Variants in CACNA1B observed in about 807,000 individuals in gnomAD.
CACNA1B encodes calcium voltage-gated channel subunit alpha1 B, also known as voltage-dependent N-type calcium channel subunit alpha-1B.
Under a neutral mutation model 247.2 loss-of-function variants are expected in CACNA1B, and 70 were observed. The observed-to-expected ratio is 0.28, with a 90% CI of 0.23 to 0.35. The LOEUF (loss-of-function observed/expected upper bound fraction) is 0.35. CACNA1B is among the 10% of genes least tolerant of loss of function. The probability of loss-of-function intolerance (pLI) is 1.00; values close to 1 mark genes in which losing one functional copy is unlikely to be tolerated. For synonymous variants in CACNA1B, 1,231 were observed against 1,294.4 expected, an observed-to-expected ratio of 0.95 and a Z score of 1.05; for missense variants, 2,367 against 3,197.4, an observed-to-expected ratio of 0.74 and a Z score of 6.26.
intron 36 of CACNA1B, among the ~76,000 whole-genome samples, chr9:138,094,190 A>G (rs1440017731): frequency 1.3e-5 from 2 of 152,200 alleles, no homozygotes; most frequent in African/African-American, 4.8e-5. Flanking sequence ...ACACTGTATG[A>G]TTCCACTTAT....
intron 10 of CACNA1B, among the ~76,000 whole-genome samples, chr9:137,964,945 C>G (rs1958057903): frequency 6.6e-6 from 1 of 152,124 alleles, no homozygotes; most frequent in East Asian, 1.9e-4. Context: ...GCCTCTCTTC[C>G]CTAGGGCTGC....
intron 36 of CACNA1B, among the ~76,000 whole-genome samples, chr9:138,090,834 C>T (rs187740637): frequency 1.3e-5 from 2 of 149,772 alleles, no homozygotes; most frequent in African/African-American, 4.9e-5. Flanking sequence ...CATCTCTAAT[C>T]ATCAGGGAAA....
At chr9:137,996,157 A>G (rs1958498062) in intron 15 of CACNA1B, among the ~76,000 whole-genome samples, 1 of 152,246 alleles carries the variant, frequency 6.6e-6, no homozygotes, top group African/African-American at 2.4e-5. Context: ...CCACTTCTAG[A>G]TATCTACTCA....
chr9:138,118,173 A>AGCAGT (rs1961939478), intron 43 of CACNA1B, 92 bp downstream of exon 43: 1 of 54,244 alleles, frequency 1.8e-5, no homozygotes. Context: ...ACGTGTGAAC[A>AGCAGT]GGGATGGGGG....
At chr9:138,048,480 T>G (rs543533273) in intron 23 of CACNA1B, among the ~76,000 whole-genome samples, 1 of 152,182 alleles carries the variant, frequency 6.6e-6, no homozygotes, top group African/African-American at 2.4e-5. Flanking sequence ...GTAGGGATAT[T>G]TGGGTCCATG....
chr9:137,908,611 TGGC>T (rs1018834813), intron 3 of CACNA1B, among the ~76,000 whole-genome samples: 2 of 152,176 alleles, frequency 1.3e-5, no homozygotes, highest in African/African-American at 4.8e-5. Context: ...TCAGTGGTTT[TGGC>T]ATATTAAATT....
Position 137,986,818 on chromosome 9 carries a change from C to T in CACNA1B, c.1938C>T (p.Phe646=), listed in dbSNP as rs1340487260. 4.3e-6 allele frequency: 7 copies of T among 1,613,942 alleles called. No homozygotes were observed. The highest frequency in any genetic ancestry group is 4.5e-5 in the East Asian group (2 of 44,878). ...AGGATGAGACTCCCACAACCAACTT[C>T]GACACCTTCCCTGCCGCCATCCTCA... The part of the protein sequence containing the change: ...NFQDETPTTN[F]DTFPAAILTV... The change falls in exon 15 of 47, where the codon TTC becomes TTT. Residue 646 remains phenylalanine (F), a synonymous_variant. Coordinates refer to ENST00000371372, the MANE Select transcript of CACNA1B (RefSeq NM_000718.4). The surrounding 1 kb of genome is among the most constrained non-coding windows in gnomAD (Gnocchi z 6.0).
intron 6 of CACNA1B, among the ~76,000 whole-genome samples, chr9:137,935,506 A>T (rs192435323): frequency 6.6e-6 from 1 of 152,158 alleles, no homozygotes; most frequent in African/African-American, 2.4e-5. Flanking sequence ...TCTATCATTG[A>T]TGGACATTTG....
At chr9:137,901,848 C>A (rs150287046) in intron 3 of CACNA1B, among the ~76,000 whole-genome samples, 4 of 151,944 alleles carry the variant, frequency 2.6e-5, no homozygotes, top group Non-Finnish European at 4.4e-5. Context: ...CACGACTACA[C>A]CTGGGTGATT....
intron 6 of CACNA1B, among the ~76,000 whole-genome samples, chr9:137,951,858 G>A (rs549138732): frequency 6.6e-6 from 1 of 152,314 alleles, no homozygotes; most frequent in South Asian, 2.1e-4. Flanking sequence ...TTGGGCCTGT[G>A]GGCCCCCTTC....
intron 13 of CACNA1B, among the ~76,000 whole-genome samples, chr9:137,985,930 C>T (rs1958355328): frequency 6.6e-6 from 1 of 152,208 alleles, no homozygotes; most frequent in Non-Finnish European, 1.5e-5. Flanking sequence ...GCACTGGAGC[C>T]AGGGTCTCTG....
intron 31 of CACNA1B, chr9:138,068,661 C>T: frequency 1.9e-6 from 1 of 518,398 alleles, no homozygotes; most frequent in South Asian, 1.4e-5. Flanking sequence ...GAGCTCCCAG[C>T]TGTAAGGACA....
At chr9:138,070,350 C>T (rs1483990405) in intron 32 of CACNA1B, among the ~76,000 whole-genome samples, 1 of 152,160 alleles carries the variant, frequency 6.6e-6, no homozygotes, top group Non-Finnish European at 1.5e-5. Context: ...CAGGAGGGTT[C>T]TTGTAGGGCT....
In CACNA1B at chr9:137,891,936, C is replaced by G. The variant is rs1408850083; in HGVS notation, c.530+9053C>G. ...TCCTTTCTCCAGGGCTGGGCAGGCCCTTCTAGCCAATGCCACCCTCCCTGT... is the reference window on the plus strand; with the variant it reads ...TCCTTTCTCCAGGGCTGGGCAGGCCGTTCTAGCCAATGCCACCCTCCCTGT... On this transcript the variant is annotated intron_variant, in intron 3 of 46. Coordinates refer to ENST00000371372, the MANE Select transcript of CACNA1B (RefSeq NM_000718.4). The surrounding 1 kb of genome is among the most constrained non-coding windows in gnomAD (Gnocchi z 4.3). 2.4e-6 allele frequency: 1 copy of G among 415,958 alleles called. No individual in the cohort carries two copies. The highest frequency in any genetic ancestry group is 2.0e-5 in the African/African-American group (1 of 49,284). 25.8% of individuals were successfully genotyped at this position (415,958 alleles called of 1,614,324 possible).
Position 138,012,013 on chromosome 9 carries a change from G to A in CACNA1B, c.2161-1116G>A, listed in dbSNP as rs538711764. Among the ~76,000 whole-genome samples the A allele has an allele frequency of 1.1e-4, 16 of 152,294 alleles. No individual in the cohort carries two copies. The highest frequency in any genetic ancestry group is 2.6e-4 in the African/African-American group (11 of 41,574). ...ACTATTGATCCGGAACCCAGGTGCCGAGCATGTTGGTCTTGTTTAGTGACT... is the reference window on the plus strand; with the variant it reads ...ACTATTGATCCGGAACCCAGGTGCCAAGCATGTTGGTCTTGTTTAGTGACT... On this transcript the variant is annotated intron_variant, in intron 17 of 46. Coordinates refer to ENST00000371372, the MANE Select transcript of CACNA1B (RefSeq NM_000718.4). The surrounding 1 kb of genome is among the most constrained non-coding windows in gnomAD (Gnocchi z 4.2).
intron 20 of CACNA1B, among the ~76,000 whole-genome samples, chr9:138,031,984 A>G (rs961876474): frequency 1.3e-5 from 2 of 152,134 alleles, no homozygotes; most frequent in Admixed American, 6.5e-5. Context: ...TAGATTGTTT[A>G]CACTTAGCAT....
In CACNA1B at chr9:138,085,998, A is replaced by G. The variant is rs574059134; in HGVS notation, c.5094+7740A>G. 3.3e-5 allele frequency among the ~76,000 whole-genome samples: 5 copies of G among 151,340 alleles called. No homozygotes were observed. In the East Asian group the frequency reaches 1.0e-3, roughly 31 times the overall value. On this transcript the variant is annotated intron_variant, in intron 36 of 46. Coordinates refer to ENST00000371372, the MANE Select transcript of CACNA1B (RefSeq NM_000718.4). ...AGAGTGAGTTTCACAAAAGAGAAAG[A>G]GAAAATAATCAAACCTTACTATTAC...
At chr9:137,878,995 G>C in intron 1 of CACNA1B, 59 bp from the exon 2 acceptor site, 2 of 1,096,988 alleles carry the variant, frequency 1.8e-6, no homozygotes, top group South Asian at 1.4e-5. Context: ...GGCTCTGCTG[G>C]CGTCGGCCTC....
At position 137,902,824 on chromosome 9, in the gene CACNA1B, G is replaced by A. The variant is rs532077191; in HGVS notation, c.531-10356G>A. On this transcript the variant is annotated intron_variant, in intron 3 of 46. Transcript: ENST00000371372. Reference sequence around the variant, plus strand: ...GCTGTGCCGGCTGGTACAAGATGCAGGGTGAGGGCCCCACGAGTGCTCACT... The same window carrying A: ...GCTGTGCCGGCTGGTACAAGATGCAAGGTGAGGGCCCCACGAGTGCTCACT... Among the ~76,000 whole-genome samples the A allele has an allele frequency of 2.0e-5, 3 of 152,326 alleles. No homozygotes were observed. In the South Asian group the frequency reaches 6.2e-4, roughly 32 times the overall value.
Sources: gnomAD v4.1 joint callset for allele counts (sites outside exome capture counted in the v4.1 genomes callset) on GRCh38, gnomAD v4.1.1 for gene constraint, Gnocchi (gnomAD v3.1) non-coding constraint, MANE v1.5 for transcripts, NCBI Gene and HGNC (gene_info 2026-07-23, HGNC 2026-07-21) for gene names.